Variants in ALDH9A1 observed in about 807,000 individuals in gnomAD.
ALDH9A1 encodes aldehyde dehydrogenase 9 family member A1.
A neutral mutation model predicts 56.6 loss-of-function variants in ALDH9A1; 42 were observed. The ratio of observed to expected loss-of-function variants is 0.74; its 90% CI spans 0.58 to 0.96. The LOEUF is 0.96. Ranked by LOEUF, ALDH9A1 falls within the 40% of genes least tolerant of loss-of-function variation. ALDH9A1 has a pLI of 0.00. For synonymous variants in ALDH9A1, 242 were observed against 236.0 expected (o/e 1.03, Z -0.23); for missense variants, 661 against 651.5 (o/e 1.01, Z -0.16).
chr1:165,694,935 G>A lies in ALDH9A1; in HGVS notation c.327+317C>T, dbSNP rs546509932. Among the ~76,000 whole-genome samples the A allele has an allele frequency of 8.7e-3, 1,276 of 145,946 alleles. 6 individuals are homozygous for A. The highest frequency in any genetic ancestry group is 0.013 in the Non-Finnish European group (869 of 67,040). ...CACTCCACTGCACTCCAGCCTGGGC[G>A]ACAGAGCAAGATTCCGTCTCAAAAA... On this transcript the variant is annotated intron_variant, in intron 2 of 10. Coordinates refer to ENST00000354775, the MANE Select transcript of ALDH9A1 (RefSeq NM_000696.4).
At chr1:165,675,550 G>A (rs984861166) in intron 6 of ALDH9A1, among the ~76,000 whole-genome samples, 1 of 152,176 alleles carries the variant, frequency 6.6e-6, no homozygotes, top group African/African-American at 2.4e-5. Flanking sequence ...AAACTGGGTG[G>A]GAAGGAGGCA....
At position 165,683,113 on chromosome 1, in the gene ALDH9A1, TTGGG is replaced by T. The variant is rs772647114; in HGVS notation, c.328-7_328-4del. The T allele has an allele frequency of 3.7e-5, 59 of 1,613,610 alleles. No homozygotes were observed. The highest frequency in any genetic ancestry group is 4.6e-5 in the Non-Finnish European group (54 of 1,179,754). ...GTAGCAATTTCATCCTCCCGTTCCT[TTGGG>T]TAAAGCAGAAGACTAGATTTAAGAC... On this transcript the variant is annotated splice_region_variant and splice_polypyrimidine_tract_variant and intron_variant, in intron 2 of 10. Transcript: ENST00000354775.
Position 165,663,154 on chromosome 1 carries a change from G to A in ALDH9A1, c.1463-10C>T, listed in dbSNP as rs779830610. ...TTCTCTCTGCCAAATCCTGAAAGGA[G>A]GAGAAGGGGTCAGGTTGAGCCATCA... is the stretch of plus-strand genomic sequence containing the variant. On this transcript the variant is annotated splice_polypyrimidine_tract_variant and intron_variant, in intron 10 of 10. Coordinates refer to ENST00000354775, the MANE Select transcript of ALDH9A1 (RefSeq NM_000696.4). 3.1e-6 allele frequency: 5 copies of A among 1,610,952 alleles called. No homozygotes were observed. In the East Asian group the frequency reaches 1.1e-4, roughly 36 times the overall value.
intron 6 of ALDH9A1, chr1:165,671,597 G>C: frequency 2.1e-6 from 1 of 466,960 alleles, no homozygotes; most frequent in Admixed American, 2.5e-5. Context: ...GAAGAGAAAG[G>C]ATGAGGATGC....
At chr1:165,679,262 G>C (rs1282893228) in intron 6 of ALDH9A1, among the ~76,000 whole-genome samples, 180 bp downstream of exon 6, 1 of 152,208 alleles carries the variant, frequency 6.6e-6, no homozygotes, top group Non-Finnish European at 1.5e-5. Flanking sequence ...ATGATAAAGT[G>C]AATCTGTTAA....
intron 1 of ALDH9A1, among the ~76,000 whole-genome samples, chr1:165,697,752 G>C (rs1650136753): frequency 6.6e-6 from 1 of 152,142 alleles, no homozygotes; most frequent in Non-Finnish European, 1.5e-5. Flanking sequence ...CAGTTGGCTG[G>C]GCTTGGTGGC....
Position 165,683,124 on chromosome 1 carries a change from A to G in ALDH9A1, c.328-14T>C. 3 of 1,613,246 alleles carry G rather than the reference A, an allele frequency of 1.9e-6. No individual in the cohort carries two copies. The South Asian group carries it at 3.3e-5, about 18-fold the overall frequency. ...ATCCTCCCGTTCCTTTGGGTAAAGC[A>G]GAAGACTAGATTTAAGACATATTCC... On this transcript the variant is annotated splice_polypyrimidine_tract_variant and intron_variant, in intron 2 of 10. Transcript: ENST00000354775.
In ALDH9A1 at chr1:165,669,461, A is replaced by G. The variant is rs1447582557; in HGVS notation, c.931-11T>C. 3.1e-6 allele frequency: 5 copies of G among 1,596,326 alleles called. No individual in the cohort carries two copies. In the African/African-American group the frequency reaches 6.8e-5, roughly 22 times the overall value. ...GCCATTACAGCAAACCTAAAGGACAAACACAAGACATCAATTTCTATGTGT... is the reference window on the plus strand; with the variant it reads ...GCCATTACAGCAAACCTAAAGGACAGACACAAGACATCAATTTCTATGTGT... On this transcript the variant is annotated splice_polypyrimidine_tract_variant and intron_variant, in intron 6 of 10. Coordinates refer to ENST00000354775, the MANE Select transcript of ALDH9A1 (RefSeq NM_000696.4).
rs749195833 is a variant in ALDH9A1 at position 165,698,526 on chromosome 1, G to T, written c.33C>A (p.Ser11=). The T allele has an allele frequency of 1.9e-6, 3 of 1,610,310 alleles. No individual in the cohort carries two copies. Among genetic ancestry groups the T allele is most frequent in the Non-Finnish European group, 2.5e-6 (3 of 1,178,764 alleles). MFLRAGLAAL[S]PLLRSLRPSP... is the part of the protein sequence containing the mutation. ...AGGGCCGAAGACTGCGAAGAAGCGG[G>T]GAGAGCGCGGCCAGGCCTGCTCGGA... The change falls in exon 1 of 11, where the codon TCC becomes TCA. Residue 11 remains serine (S), a synonymous_variant. Coordinates refer to ENST00000354775, the MANE Select transcript of ALDH9A1 (RefSeq NM_000696.4).
chr1:165,689,820 G>A lies in ALDH9A1; in HGVS notation c.327+5432C>T, dbSNP rs373380405. ...GTGGTGTCATGTGCCTGTAATCCCA[G>A]CTATTCAGGAGTCTGAGGCAGGAGA... is the stretch of plus-strand genomic sequence containing the variant. On this transcript the variant is annotated intron_variant, in intron 2 of 10. Transcript: ENST00000354775. 3.3e-5 allele frequency among the ~76,000 whole-genome samples: 5 copies of A among 151,806 alleles called. No individual in the cohort carries two copies. In the East Asian group the frequency reaches 5.8e-4, roughly 18 times the overall value.
chr1:165,674,811 C>A (rs1315851172), intron 6 of ALDH9A1, among the ~76,000 whole-genome samples: 2 of 152,000 alleles, frequency 1.3e-5, no homozygotes, highest in East Asian at 3.9e-4. Context: ...ATGCTCAGTG[C>A]AGCATTATTC....
At chr1:165,676,100 G>A (rs569022453) in intron 6 of ALDH9A1, among the ~76,000 whole-genome samples, 10 of 152,134 alleles carry the variant, frequency 6.6e-5, no homozygotes, top group Non-Finnish European at 1.3e-4. Context: ...TTATTATTAT[G>A]TAGACAGACA....
chr1:165,686,372 C>T (rs1571180351), intron 2 of ALDH9A1, among the ~76,000 whole-genome samples: 2 of 152,068 alleles, frequency 1.3e-5, no homozygotes, highest in Admixed American at 1.3e-4. Context: ...TGAGTGGCTA[C>T]AGTTCTTCAA....
rs1183325386 is a variant in ALDH9A1, at chr1:165,690,692, G to A, written c.327+4560C>T. ...CGCTTTTCCAACAGTCTTAGCAAAC[G>A]GCACACCAGGAGATTATATCCTGCA... On this transcript the variant is annotated intron_variant, in intron 2 of 10. Coordinates refer to ENST00000354775, the MANE Select transcript of ALDH9A1 (RefSeq NM_000696.4). Among the ~76,000 whole-genome samples, 8 of 152,248 alleles carry A rather than the reference G, an allele frequency of 5.3e-5. No individual in the cohort carries two copies. In the South Asian group the frequency reaches 1.0e-3, roughly 20 times the overall value.
chr1:165,681,852 C>A (rs937775753), intron 4 of ALDH9A1, among the ~76,000 whole-genome samples: 3 of 152,120 alleles, frequency 2.0e-5, no homozygotes, highest in Non-Finnish European at 2.9e-5. Context: ...AATTAAATTT[C>A]TTTTCATATA....
Position 165,668,416 on chromosome 1 carries a change from G to A in ALDH9A1, c.1207+510C>T, listed in dbSNP as rs549407576. 8.5e-5 allele frequency among the ~76,000 whole-genome samples: 13 copies of A among 152,230 alleles called. No individual in the cohort carries two copies. In the South Asian group the frequency reaches 2.5e-3, roughly 29 times the overall value. ...TGCTCTCTCTTTCACCATGTGACTC[G>A]TCTGCTCCCCTTTCACCTTCCACCA... On this transcript the variant is annotated intron_variant, in intron 8 of 10. Coordinates refer to ENST00000354775, the MANE Select transcript of ALDH9A1 (RefSeq NM_000696.4).
chr1:165,688,328 C>T (rs2101753393), intron 2 of ALDH9A1, among the ~76,000 whole-genome samples: 1 of 152,092 alleles, frequency 6.6e-6, no homozygotes, highest in South Asian at 2.1e-4. Context: ...AAAAACAAAA[C>T]AAAACAGAAA....
chr1:165,697,368 C>G (rs1322410868), intron 1 of ALDH9A1, among the ~76,000 whole-genome samples: 1 of 152,196 alleles, frequency 6.6e-6, no homozygotes, highest in Non-Finnish European at 1.5e-5. Flanking sequence ...ATTAACTATG[C>G]AGAAGCAATG....
intron 2 of ALDH9A1, among the ~76,000 whole-genome samples, chr1:165,689,292 A>T (rs1649807891): frequency 6.6e-6 from 1 of 152,218 alleles, no homozygotes; most frequent in African/African-American, 2.4e-5. Context: ...TGAATAGCAA[A>T]GGCCTTGAAA....
Sources: allele counts gnomAD v4.1 joint callset (sites outside exome capture counted in the v4.1 genomes callset), GRCh38; gene constraint gnomAD v4.1.1; transcripts MANE v1.5; gene names NCBI Gene and HGNC (gene_info 2026-07-23, HGNC 2026-07-21).